NPY1R: variants seen among roughly 807,000 people sequenced by gnomAD.
NPY1R encodes the protein neuropeptide Y receptor Y1.
Under a neutral mutation model 24.1 loss-of-function variants are expected in NPY1R, and 10 were observed. The observed-to-expected ratio is 0.42, with a 90% CI of 0.26 to 0.71. The LOEUF (loss-of-function observed/expected upper bound fraction) is 0.71. Among genes scored for constraint, NPY1R ranks in the 30% least tolerant of loss-of-function variants. The pLI, the probability that NPY1R is intolerant of heterozygous loss-of-function variation, is 0.28. For synonymous variants in NPY1R, 168 were observed against 165.9 expected (o/e 1.01, Z -0.10); for missense variants, 350 against 458.0 (o/e 0.76, Z 2.15).
chr4:163,334,861 GAAAAAAAA>G (rs545497813), upstream of NPY1R, among the ~76,000 whole-genome samples: 4 of 66,922 alleles, frequency 6.0e-5, no homozygotes, highest in African/African-American at 1.7e-4. Context: ...CTCTGTTTTG[GAAAAAAAA>G]AAAAAAAAAA....
chr4:163,339,797 T>C lies in NPY1R; in HGVS notation c.-152+4508A>G, dbSNP rs115242697. Among the ~76,000 whole-genome samples the C allele has an allele frequency of 4.1e-3, 630 of 152,306 alleles. 3 individuals are homozygous for C. Among genetic ancestry groups the C allele is most frequent in the Admixed American group, 6.9e-3 (105 of 15,306 alleles). ...TTTGGATATTCTTATGTGTTAGCTC[T>C]GCCTCCTCTATTAGGTATAAACTTG... On this transcript the variant is annotated intron_variant, in intron 1 of 1. Transcript: ENST00000511901.
chr4:163,337,197 C>T (rs7692778), upstream of NPY1R, among the ~76,000 whole-genome samples: 131,012 of 152,156 alleles, frequency 0.86, 56,912 homozygotes, highest in East Asian at 0.99. Flanking sequence ...ATATGACCCA[C>T]CTGATCTTAT....
In NPY1R at chr4:163,325,163, T is replaced by C. The variant is rs1734573024; in HGVS notation, c.*140A>G. On this transcript the variant is annotated 3_prime_UTR_variant, in exon 3 of 3. Transcript: ENST00000296533. ...ATTATGACAACTACAACAAAAGCAGTAAAAAGCAAGACAAGAAAATCTTAG... is the reference window on the plus strand; with the variant it reads ...ATTATGACAACTACAACAAAAGCAGCAAAAAGCAAGACAAGAAAATCTTAG... The C allele has an allele frequency of 3.0e-6, 2 of 660,700 alleles. No individual in the cohort carries two copies. Among genetic ancestry groups the C allele is most frequent in the Admixed American group, 3.1e-5 (1 of 32,462 alleles). 40.9% of individuals were successfully genotyped at this position (660,700 alleles called of 1,614,324 possible). A position where few individuals can be genotyped will look rare whatever the true frequency, so the allele number is the denominator to read the frequency against.
chr4:163,336,748 G>T (rs1354023935), upstream of NPY1R, among the ~76,000 whole-genome samples: 1 of 152,168 alleles, frequency 6.6e-6, no homozygotes, highest in African/African-American at 2.4e-5. Context: ...ATCACCTGAG[G>T]TCAGGAGTTC....
chr4:163,331,881 T>C (rs1051203162), intron 1 of NPY1R, among the ~76,000 whole-genome samples: 4 of 152,202 alleles, frequency 2.6e-5, no homozygotes, highest in Non-Finnish European at 4.4e-5. Context: ...CGCGGCTCGA[T>C]TGCAGCCGAG....
chr4:163,338,503 C>T (rs891019817), intron 1 of NPY1R, among the ~76,000 whole-genome samples: 86 of 152,130 alleles, frequency 5.7e-4, no homozygotes, highest in African/African-American at 2.0e-3. Context: ...TAAGTCTCCT[C>T]TCTACTTTCC....
intron 1 of NPY1R, among the ~76,000 whole-genome samples, chr4:163,343,002 A>G: frequency 6.7e-6 from 1 of 150,202 alleles, no homozygotes; most frequent in East Asian, 2.0e-4. Context: ...ACACACACAC[A>G]CACACACACA....
At chr4:163,344,333 G>C (rs1005312589) in exon 1 of NPY1R, 3 of 152,428 alleles carry the variant, frequency 2.0e-5, no homozygotes, top group Admixed American at 6.5e-5. Context: ...GGCCGAACCC[G>C]GGAGGAGAGT....
chr4:163,334,815 G>A (rs985234699), upstream of NPY1R, among the ~76,000 whole-genome samples: 4 of 145,996 alleles, frequency 2.7e-5, no homozygotes, highest in East Asian at 4.0e-4. Flanking sequence ...AGCCGAGATC[G>A]CACGACTGCA....
chr4:163,325,703 T>G lies in NPY1R; in HGVS notation c.755A>C (p.Lys252Thr). 1 of 1,603,230 alleles carries G rather than the reference T, an allele frequency of 6.2e-7. No individual in the cohort carries two copies. The highest frequency in any genetic ancestry group is 8.5e-7 in the Non-Finnish European group (1 of 1,178,912). ...TCTTTTGGTTTCACTGGACCTGTAC[T>G]TATTGTCTCTCATCTTGTCCATCAT... ...NNMMDKMRDN[K>T]YRSSETKRIN... is the part of the protein sequence containing the mutation. The change falls in exon 3 of 3, where the codon AAG (lysine) becomes ACG (threonine). Residue 252 changes from lysine (K) to threonine (T), a missense_variant. By Grantham distance (78) the Lys-to-Thr change is moderately conservative. Transcript: ENST00000296533.
upstream of NPY1R, among the ~76,000 whole-genome samples, chr4:163,334,693 C>G (rs1312805295): frequency 6.6e-6 from 1 of 151,968 alleles, no homozygotes; most frequent in South Asian, 2.1e-4. Context: ...AACCCCGTCT[C>G]TACTAAAAAT....
chr4:163,340,309 CAT>C (rs142056779), intron 1 of NPY1R, among the ~76,000 whole-genome samples: 182 of 146,874 alleles, frequency 1.2e-3, no homozygotes, highest in Middle Eastern at 3.5e-3. Flanking sequence ...TCTTCTTGTA[CAT>C]ATATATATAT....
chr4:163,330,987 TG>T (rs1734712468), intron 1 of NPY1R: 1 of 152,282 alleles, frequency 6.6e-6, no homozygotes, highest in African/African-American at 2.4e-5. Flanking sequence ...CCTTCCTTGC[TG>T]GGGAGGGCTT....
chr4:163,340,049 C>T (rs539559882), intron 1 of NPY1R, among the ~76,000 whole-genome samples: 29 of 152,040 alleles, frequency 1.9e-4, no homozygotes, highest in African/African-American at 6.5e-4. Flanking sequence ...TAAAACAAAC[C>T]AATATACCAA....
intron 1 of NPY1R, among the ~76,000 whole-genome samples, chr4:163,328,628 C>T (rs1380862711): frequency 6.6e-6 from 1 of 152,174 alleles, no homozygotes; most frequent in African/African-American, 2.4e-5. Context: ...CAGCCTGACA[C>T]ATTAAGACCT....
chr4:163,329,376 G>A (rs1469475558), intron 1 of NPY1R, among the ~76,000 whole-genome samples: 2 of 152,088 alleles, frequency 1.3e-5, no homozygotes, highest in Non-Finnish European at 1.5e-5. Flanking sequence ...AGGCCGAGGC[G>A]GATCACCTGA....
rs1325275098 is a variant in NPY1R at position 163,323,974 on chromosome 4, A to G, written c.*1329T>C. 2 of 152,226 alleles carry G rather than the reference A, an allele frequency of 1.3e-5. No homozygotes were observed. Among genetic ancestry groups the G allele is most frequent in the African/African-American group, 4.8e-5 (2 of 41,462 alleles). 9.4% of individuals were successfully genotyped at this position (152,226 alleles called of 1,614,324 possible). ...TGAAAGAGACTCCTCAGAAAAAGCA[A>G]AAACAATATTGATTTTAATAAAATG... On this transcript the variant is annotated 3_prime_UTR_variant, in exon 3 of 3. Transcript: ENST00000296533.
At chr4:163,343,016 ACACGCG>A (rs1386943067) in intron 1 of NPY1R, among the ~76,000 whole-genome samples, 3 of 136,342 alleles carry the variant, frequency 2.2e-5, no homozygotes, top group Non-Finnish European at 4.7e-5. Context: ...ACACACACAC[ACACGCG>A]CGCGCGCCTA....
chr4:163,336,888 G>A (rs2110812470), upstream of NPY1R, among the ~76,000 whole-genome samples: 1 of 152,310 alleles, frequency 6.6e-6, no homozygotes, highest in East Asian at 1.9e-4. Flanking sequence ...TTGAATCTGG[G>A]AGGCAGAGGT....
Sources: gnomAD v4.1 joint callset for allele counts (sites outside exome capture counted in the v4.1 genomes callset) on GRCh38, gnomAD v4.1.1 for gene constraint, MANE v1.5 for transcripts, NCBI Gene and HGNC (gene_info 2026-07-23, HGNC 2026-07-21) for gene names.